PFKFB4: variants seen among roughly 807,000 people sequenced by gnomAD.
PFKFB4 encodes 6-phosphofructo-2-kinase/fructose-2,6-bisphosphatase 4.
PFKFB4 carries 42 observed loss-of-function variants against 62.8 expected under a neutral mutation model. The observed-to-expected ratio is 0.67, with a 90% CI of 0.52 to 0.86. The LOEUF (loss-of-function observed/expected upper bound fraction) is 0.86. Among genes scored for constraint, PFKFB4 ranks in the 40% least tolerant of loss-of-function variants. PFKFB4 has a pLI of 0.00. For missense variants in PFKFB4, 475 were observed against 627.2 expected (o/e 0.76, Z 2.59); for synonymous variants, 204 against 240.7 (o/e 0.85, Z 1.41).
chr3:48,519,909 A>C, intron 13 of PFKFB4, 103 bp from the exon 14 acceptor site: 1 of 888,118 alleles, frequency 1.1e-6, no homozygotes, highest in South Asian at 1.4e-5. Context: ...TCACATTCTC[A>C]CTGTAGCAGC....
In PFKFB4 at chr3:48,521,467, T is replaced by G. The variant is rs1189959323; in HGVS notation, c.1350+519A>C. Among the ~76,000 whole-genome samples the G allele has an allele frequency of 1.3e-5, 2 of 152,188 alleles. No individual in the cohort carries two copies. Among genetic ancestry groups the G allele is most frequent in the Non-Finnish European group, 2.9e-5 (2 of 68,016 alleles). On this transcript the variant is annotated intron_variant, in intron 13 of 13. Coordinates refer to ENST00000232375, the MANE Select transcript of PFKFB4 (RefSeq NM_004567.4). The surrounding 1 kb of genome is among the most constrained non-coding windows in gnomAD (Gnocchi z 5.3). ...GTCTCCACCCCATGCTGAGGCCCCT[T>G]CAGTATCTGCATGGCCCTTTCCCCA...
In PFKFB4 at chr3:48,538,624, C is replaced by G. The variant is rs201830499; in HGVS notation, c.511-5G>C. 1.2e-6 allele frequency: 2 copies of G among 1,614,078 alleles called. No homozygotes were observed. The highest frequency in any genetic ancestry group is 2.7e-5 in the African/African-American group (2 of 75,036). On this transcript the variant is annotated splice_region_variant and splice_polypyrimidine_tract_variant and intron_variant, in intron 6 of 13. Coordinates refer to ENST00000232375, the MANE Select transcript of PFKFB4 (RefSeq NM_004567.4). The stretch of plus-strand genomic sequence containing the variant: ...AGGGCTGCCCAGTTTCACTTGCTGC[C>G]GGAGCCAGGCACAGAGAAAGGACAT...
intron 1 of PFKFB4, among the ~76,000 whole-genome samples, chr3:48,555,275 A>G (rs1032568338): frequency 1.3e-5 from 2 of 152,130 alleles, no homozygotes; most frequent in African/African-American, 4.8e-5. Context: ...CAAAGCCATG[A>G]GTTACCACGA....
At chr3:48,562,738 G>T, upstream of PFKFB4, 1 of 1,484,386 alleles carries the variant, frequency 6.7e-7, no homozygotes, top group Non-Finnish European at 8.9e-7. This position sits in a 1 kb window ranked among gnomAD's most constrained non-coding sequence, Gnocchi z 4.3. Context: ...TGCCCTCCAG[G>T]TCTTCCCATC....
At chr3:48,531,433 A>AT (rs757109110) in intron 9 of PFKFB4, among the ~76,000 whole-genome samples, 2,166 of 140,264 alleles carry the variant, frequency 0.015, 39 homozygotes, top group African/African-American at 0.042. Flanking sequence ...GGAAGCAGAA[A>AT]TTTTTTTTTT....
chr3:48,552,430 C>T (rs1482626961), intron 1 of PFKFB4, among the ~76,000 whole-genome samples: 1 of 152,238 alleles, frequency 6.6e-6, no homozygotes, highest in Non-Finnish European at 1.5e-5. Context: ...AAATGGTGAG[C>T]CTCAGGGGCG....
chr3:48,553,472 C>CAAAAA (rs796987964), intron 1 of PFKFB4, among the ~76,000 whole-genome samples: 1 of 133,716 alleles, frequency 7.5e-6, no homozygotes. Flanking sequence ...AGACTGTCTC[C>CAAAAA]AAAAAAAAAA....
At chr3:48,546,452 T>C (rs1219818583) in intron 3 of PFKFB4, among the ~76,000 whole-genome samples, 1 of 152,178 alleles carries the variant, frequency 6.6e-6, no homozygotes, top group Non-Finnish European at 1.5e-5. Context: ...TGTGCACAGA[T>C]CCACATGTGC....
At chr3:48,561,530 C>T (rs1185454935), upstream of PFKFB4, 3 of 153,206 alleles carry the variant, frequency 2.0e-5, no homozygotes, top group African/African-American at 7.2e-5. This position sits in a 1 kb window ranked among gnomAD's most constrained non-coding sequence, Gnocchi z 5.2. Context: ...AACCAAGGGA[C>T]CAGGTCAGTT....
upstream of PFKFB4, among the ~76,000 whole-genome samples, chr3:48,561,425 C>A (rs966206780): frequency 6.6e-6 from 1 of 152,276 alleles, no homozygotes; most frequent in African/African-American, 2.4e-5. The surrounding 1 kb of genome is among the most constrained non-coding windows in gnomAD (Gnocchi z 5.2). Flanking sequence ...GCCCCCTCTG[C>A]GGGCAAGCCC....
intron 9 of PFKFB4, among the ~76,000 whole-genome samples, chr3:48,530,947 T>TC (rs1442380004): frequency 1.3e-5 from 2 of 152,122 alleles, no homozygotes; most frequent in Non-Finnish European, 2.9e-5. Context: ...TGTCAAGTGA[T>TC]CCACCCACCT....
chr3:48,557,022 G>A, upstream of PFKFB4: 2 of 1,301,570 alleles, frequency 1.5e-6, no homozygotes, highest in Non-Finnish European at 2.0e-6. Flanking sequence ...CAGTTCTTCA[G>A]GCCAGGATCG....
At chr3:48,549,826 C>G in intron 3 of PFKFB4, 38 bp downstream of exon 3, 1 of 1,308,772 alleles carries the variant, frequency 7.6e-7, no homozygotes, top group South Asian at 1.2e-5. Context: ...CTGGGTCCCC[C>G]AGCAACCTCT....
chr3:48,557,212 T>C (rs1354706962), upstream of PFKFB4, among the ~76,000 whole-genome samples: 1 of 152,206 alleles, frequency 6.6e-6, no homozygotes, highest in Non-Finnish European at 1.5e-5. Context: ...ACGCGTGAAT[T>C]CTGCTACCTC....
chr3:48,544,636 G>A (rs1253703937), intron 3 of PFKFB4, among the ~76,000 whole-genome samples: 1 of 151,598 alleles, frequency 6.6e-6, no homozygotes, highest in Admixed American at 6.6e-5. Context: ...TTTTAGAGAT[G>A]GGGTCTTGCT....
At position 48,556,117 on chromosome 3, in the gene PFKFB4, G is replaced by A. The variant is rs1262807010; in HGVS notation, c.97+564C>T. 1 of 456,832 alleles carries A rather than the reference G, an allele frequency of 2.2e-6. No individual in the cohort carries two copies. Among genetic ancestry groups the A allele is most frequent in the Non-Finnish European group, 4.4e-6 (1 of 227,040 alleles). The allele number at this position is 456,832 out of a possible 1,614,324, so 28.3% of individuals were successfully genotyped here. ...CGGGACACAGACACAGGCCCACACG[G>A]CATACTTTTCTGTCTCTATCCTGAG... On this transcript the variant is annotated intron_variant, in intron 1 of 13. Coordinates refer to ENST00000232375, the MANE Select transcript of PFKFB4 (RefSeq NM_004567.4). This position sits in a 1 kb window ranked among gnomAD's most constrained non-coding sequence, Gnocchi z 5.7.
Position 48,519,829 on chromosome 3 carries a change from G to A in PFKFB4, c.1351-23C>T, listed in dbSNP as rs534129755. The A allele has an allele frequency of 4.7e-5, 75 of 1,603,896 alleles. 1 individual carries two copies. Among genetic ancestry groups the A allele is most frequent in the South Asian group, 3.7e-4 (34 of 90,852 alleles). On this transcript the variant is annotated intron_variant, in intron 13 of 13. Coordinates refer to ENST00000232375, the MANE Select transcript of PFKFB4 (RefSeq NM_004567.4). Reference sequence around the variant, plus strand: ...GTTCTGTACAATAAAAACACAGAGCGTTCACTCCATGGCAGGAATAGATGA... The same window carrying A: ...GTTCTGTACAATAAAAACACAGAGCATTCACTCCATGGCAGGAATAGATGA...
At chr3:48,562,682 A>C, upstream of PFKFB4, 1 of 1,154,232 alleles carries the variant, frequency 8.7e-7, no homozygotes, top group Non-Finnish European at 1.2e-6. The surrounding 1 kb of genome is among the most constrained non-coding windows in gnomAD (Gnocchi z 4.3). Context: ...GGCAGCGTCC[A>C]GACACTGTAT....
upstream of PFKFB4, among the ~76,000 whole-genome samples, chr3:48,558,545 A>C (rs891665423): frequency 8.5e-5 from 13 of 152,152 alleles, no homozygotes; most frequent in Non-Finnish European, 1.8e-4. Flanking sequence ...CCAGCTCTTT[A>C]AAGCTTGGCA....
Sources: allele counts gnomAD v4.1 joint callset (sites outside exome capture counted in the v4.1 genomes callset), GRCh38; gene constraint gnomAD v4.1.1; non-coding constraint Gnocchi (gnomAD v3.1); transcripts MANE v1.5; gene names NCBI Gene and HGNC (gene_info 2026-07-23, HGNC 2026-07-21).